Variants in MPI observed in about 807,000 individuals in gnomAD.
The protein encoded by MPI is mannose phosphate isomerase.
A neutral mutation model predicts 40.1 loss-of-function variants in MPI; 33 were observed. The observed-to-expected ratio is 0.82, with a 90% CI of 0.62 to 1.10. The LOEUF is 1.10. Ranked by LOEUF, MPI falls within the 50% of genes least tolerant of loss-of-function variation. The pLI is 0.00. For missense variants in MPI, 514 were observed against 524.1 expected (o/e 0.98, Z 0.19); for synonymous variants, 187 against 207.4 (o/e 0.90, Z 0.85).
chr15:74,892,949 C>CT, intron 4 of MPI, 147 bp downstream of exon 4: 1 of 1,361,090 alleles, frequency 7.3e-7, no homozygotes, highest in Non-Finnish European at 1.0e-6. Context: ...GTGAGCCAGG[C>CT]CAGTGAGACC....
In MPI at chr15:74,893,161, A is replaced by C. The variant is rs2064751518; in HGVS notation, c.511A>C (p.Ile171Leu). The C allele has an allele frequency of 1.2e-6, 2 of 1,613,878 alleles. No homozygotes were observed. Among genetic ancestry groups the C allele is most frequent in the East Asian group, 4.5e-5 (2 of 44,902 alleles). ...LKKVPEFQFLIGDEAATHLKQ... is the reference protein window; with the variant it reads ...LKKVPEFQFLLGDEAATHLKQ... ...AGAGGTGCCTGAGTTTCAGTTCCTG[A>C]TTGGAGATGAGGCAGCAACACACCT... The change falls in exon 5 of 8, where the codon ATT becomes CTT. Residue 171 changes from isoleucine to leucine, a missense_variant. Ile to Leu is a conservative substitution (Grantham distance 5). Transcript: ENST00000352410.
chr15:74,894,067 TGTGTGTGTGTG>T (rs1567267104), intron 5 of MPI, among the ~76,000 whole-genome samples: 2 of 59,874 alleles, frequency 3.3e-5, no homozygotes, highest in Non-Finnish European at 7.2e-5. Context: ...TGTGTGTGTG[TGTGTGTGTGTG>T]TGTGTGTGTG....
chr15:74,890,866 C>T, intron 2 of MPI: 1 of 665,384 alleles, frequency 1.5e-6, no homozygotes, highest in South Asian at 1.7e-5. Flanking sequence ...TTCCCCCAAC[C>T]ACTCTTAGCA....
intron 5 of MPI, among the ~76,000 whole-genome samples, chr15:74,894,911 C>T (rs151040978): frequency 6.3e-4 from 96 of 152,210 alleles, no homozygotes; most frequent in African/African-American, 2.1e-3. Flanking sequence ...TGGCCCTCAG[C>T]GCATTCTGCC....
At chr15:74,896,489 T>G (rs905507986) in intron 6 of MPI, 164 bp downstream of exon 6, 5 of 766,636 alleles carry the variant, frequency 6.5e-6, no homozygotes, top group Non-Finnish European at 9.0e-6. Context: ...GTAGGGATGA[T>G]GAATGCATTT....
At chr15:74,894,097 T>TTTTCTGAGCCA (rs1567267250) in intron 5 of MPI, among the ~76,000 whole-genome samples, 3 of 47,928 alleles carry the variant, frequency 6.3e-5, no homozygotes, top group South Asian at 1.3e-3. Flanking sequence ...TGTGTGTGTG[T>TTTTCTGAGCCA]GTGTGTGTGT....
intron 6 of MPI, 71 bp from the exon 7 acceptor site, chr15:74,896,940 G>C: frequency 6.8e-7 from 1 of 1,461,736 alleles, no homozygotes; most frequent in Non-Finnish European, 9.6e-7. Flanking sequence ...ATGGAGCTCA[G>C]GTTAGGAGGC....
Position 74,897,591 on chromosome 15 carries a change from T to C in MPI, c.1133T>C (p.Ile378Thr). The C allele has an allele frequency of 6.2e-7, 1 of 1,614,152 alleles. No homozygotes were observed. Among genetic ancestry groups the C allele is most frequent in the Non-Finnish European group, 8.5e-7 (1 of 1,180,006 alleles). Reference sequence around the variant, plus strand: ...CTCCTGATGGTACAGGGGACAGTAATAGCCAGCACACCCACAACCCAGACA... The same window carrying C: ...CTCCTGATGGTACAGGGGACAGTAACAGCCAGCACACCCACAACCCAGACA... ...SILLMVQGTVIASTPTTQTPI... is the reference protein window; with the variant it reads ...SILLMVQGTVTASTPTTQTPI... Residue 378 changes from isoleucine to threonine, a missense_variant, in exon 8 of 8, where the codon ATA becomes ACA. Physicochemically the swap from Ile to Thr is moderately conservative, Grantham distance 89. Coordinates refer to ENST00000352410, the MANE Select transcript of MPI (RefSeq NM_002435.3).
chr15:74,891,474 C>A lies in MPI; in HGVS notation c.240C>A (p.Asp80Glu), dbSNP rs769362236. 4 of 1,614,102 alleles carry A rather than the reference C, an allele frequency of 2.5e-6. No individual in the cohort carries two copies. In the African/African-American group the frequency reaches 5.3e-5, roughly 22 times the overall value. The change falls in exon 3 of 8, where the codon GAC (aspartate) becomes GAA (glutamate). Residue 80 changes from aspartate to glutamate, a missense_variant. Asp to Glu is a conservative substitution (Grantham distance 45, BLOSUM62 2). Coordinates refer to ENST00000352410, the MANE Select transcript of MPI (RefSeq NM_002435.3). ...GCCAGTGGATTGCTGAGAACCAGGA[C>A]AGCTTGGGCTCAAAGGTCAAGGACA... Reference protein sequence around the residue: ...TLSQWIAENQDSLGSKVKDTF... With the variant: ...TLSQWIAENQESLGSKVKDTF...
At position 74,897,235 on chromosome 15, in the gene MPI, T is replaced by C. The variant is rs1420219001; in HGVS notation, c.1053+16T>C. 5 of 1,611,802 alleles carry C rather than the reference T, an allele frequency of 3.1e-6. No individual in the cohort carries two copies. The highest frequency in any genetic ancestry group is 4.2e-6 in the Non-Finnish European group (5 of 1,177,936). On this transcript the variant is annotated intron_variant, in intron 7 of 7. Coordinates refer to ENST00000352410, the MANE Select transcript of MPI (RefSeq NM_002435.3). ...GAAGACGGAGGTGAGTGAGGGGCTA[T>C]GATGGGTGTCCTTCGTGTGCCATGA...
rs530377950 is a variant in MPI at position 74,901,801 on chromosome 15, C to G, written c.*4071C>G. On this transcript the variant is annotated 3_prime_UTR_variant, in exon 8 of 8. Transcript: ENST00000352410. ...TAATAAAAACTGCAGGCTTCTGGGG[C>G]CAGCCCCAGTACCTTCGACCTAATC... The G allele has an allele frequency of 7.0e-6, 2 of 284,088 alleles. No homozygotes were observed. The highest frequency in any genetic ancestry group is 4.3e-5 in the African/African-American group (2 of 46,328). The allele number at this position is 284,088 out of a possible 1,614,324, so 17.6% of individuals were successfully genotyped here. A position where few individuals can be genotyped will look rare whatever the true frequency, so the allele number is the denominator to read the frequency against.
rs2064885901 is a variant in MPI, at chr15:74,900,024, A to G, written c.*2294A>G. 6.6e-6 allele frequency: 1 copy of G among 152,260 alleles called. No homozygotes were observed. The allele number at this position is 152,260 out of a possible 1,614,324, so 9.4% of individuals were successfully genotyped here. On this transcript the variant is annotated 3_prime_UTR_variant, in exon 8 of 8. Transcript: ENST00000352410. ...ATTGCATTTATTCTTATAAATGTACAGAGCTGTAGAAGTGCAAGCCAAGAG... is the reference window on the plus strand; with the variant it reads ...ATTGCATTTATTCTTATAAATGTACGGAGCTGTAGAAGTGCAAGCCAAGAG...
chr15:74,890,739 G>A (rs2064714021), intron 2 of MPI, 85 bp downstream of exon 2: 2 of 1,592,888 alleles, frequency 1.3e-6, no homozygotes, highest in Non-Finnish European at 1.7e-6. Flanking sequence ...CAGCTGGGAA[G>A]GGTGAGGCAG....
In MPI at chr15:74,890,664, G is replaced by A. The variant is rs2064712214; in HGVS notation, c.144+10G>A. 3 of 1,613,158 alleles carry A rather than the reference G, an allele frequency of 1.9e-6. No individual in the cohort carries two copies. The highest frequency in any genetic ancestry group is 1.3e-5 in the African/African-American group (1 of 75,036). ...CAAGCCTTATGCAGAGGTGAGCCCC[G>A]GGCTGTATTTCAGCCCACTTTACCC... On this transcript the variant is annotated intron_variant, in intron 2 of 7. Transcript: ENST00000352410.
rs755747644 is a variant in MPI, at chr15:74,896,213, G to A, written c.732G>A (p.Gln244=). Reference sequence around the variant, plus strand: ...AGCTTTTGCTACAGCTGCACCAGCAGTACCCAGGTGATATCGGCTGCTTTG... The same window carrying A: ...AGCTTTTGCTACAGCTGCACCAGCAATACCCAGGTGATATCGGCTGCTTTG... ...FGELLLQLHQ[Q]YPGDIGCFAI... The change falls in exon 6 of 8, where the codon CAG becomes CAA. Residue 244 remains glutamine (Q), a synonymous_variant. Coordinates refer to ENST00000352410, the MANE Select transcript of MPI (RefSeq NM_002435.3). The A allele has an allele frequency of 2.5e-6, 4 of 1,614,080 alleles. No individual in the cohort carries two copies. Among genetic ancestry groups the A allele is most frequent in the African/African-American group, 1.3e-5 (1 of 74,930 alleles).
intron 5 of MPI, chr15:74,893,879 A>C: frequency 5.7e-6 from 1 of 174,078 alleles, no homozygotes; most frequent in Non-Finnish European, 1.2e-5. Context: ...CAATGAGCTT[A>C]TGTGGTGCAG....
intron 4 of MPI, 79 bp from the exon 5 acceptor site, chr15:74,893,059 A>G (rs1292058209): frequency 3.2e-6 from 5 of 1,572,206 alleles, no homozygotes; most frequent in South Asian, 1.1e-5. Flanking sequence ...TGGGATGGAA[A>G]GGTGTCCTCC....
At chr15:74,894,258 T>C (rs1245631359) in intron 5 of MPI, among the ~76,000 whole-genome samples, 5 of 151,934 alleles carry the variant, frequency 3.3e-5, no homozygotes, top group Admixed American at 2.0e-4. Flanking sequence ...TAAGTTTTTA[T>C]ATTTTAGTAG....
intron 3 of MPI, among the ~76,000 whole-genome samples, chr15:74,892,063 C>T (rs1422735426): frequency 4.6e-5 from 7 of 151,822 alleles, no homozygotes; most frequent in Admixed American, 2.6e-4. Flanking sequence ...GGCGCGATCT[C>T]GGCTCACTGC....
Sources: gnomAD v4.1 joint callset for allele counts (sites outside exome capture counted in the v4.1 genomes callset) on GRCh38, gnomAD v4.1.1 for gene constraint, MANE v1.5 for transcripts, NCBI Gene and HGNC (gene_info 2026-07-23, HGNC 2026-07-21) for gene names.